Variants in EML1 observed in about 807,000 individuals in gnomAD.
The protein encoded by EML1 is EMAP like 1.
EML1 carries 27 observed loss-of-function variants against 110.4 expected under a neutral mutation model. The observed-to-expected ratio is 0.24, with a 90% CI of 0.18 to 0.34. The LOEUF (loss-of-function observed/expected upper bound fraction) is 0.34, where lower values mean the gene tolerates loss of function less well. Ranked by LOEUF, EML1 falls within the 10% of genes least tolerant of loss-of-function variation. EML1 has a pLI of 1.00. For synonymous variants in EML1, 344 were observed against 385.8 expected, an observed-to-expected ratio of 0.89 and a Z score of 1.27; for missense variants, 741 against 1,030.9, an observed-to-expected ratio of 0.72 and a Z score of 3.85.
chr14:99,764,184 C>T (rs949285525), intron 1 of EML1, among the ~76,000 whole-genome samples: 15 of 152,308 alleles, frequency 9.8e-5, no homozygotes, highest in African/African-American at 3.4e-4. Context: ...TCCATGAGGA[C>T]GTTGGGCTGG....
chr14:99,914,677 G>A lies in EML1; in HGVS notation c.1732G>A (p.Val578Ile), dbSNP rs376629514. 61 of 1,607,830 alleles carry A rather than the reference G, an allele frequency of 3.8e-5. 1 individual carries two copies. Among genetic ancestry groups the A allele is most frequent in the South Asian group, 1.1e-4 (10 of 89,220 alleles). Residue 578 changes from valine to isoleucine, a missense_variant, in exon 15 of 22, where the codon GTC becomes ATC. Transcript: ENST00000262233. ...CTGGGACGCTGTGGGTCACCGTCCCGTCTGGGACAAAATAATAGAGGTAAA... is the reference window on the plus strand; with the variant it reads ...CTGGGACGCTGTGGGTCACCGTCCCATCTGGGACAAAATAATAGAGGTAAA... ...TLWDAVGHRP[V>I]WDKIIEDPAQ...
chr14:99,823,042 C>T (rs573837523), intron 1 of EML1, among the ~76,000 whole-genome samples: 8 of 152,080 alleles, frequency 5.3e-5, no homozygotes, highest in Admixed American at 3.9e-4. Context: ...GCCTAAGCGC[C>T]GGGCCCTACA....
At chr14:99,913,394 C>T (rs2059978513) in intron 13 of EML1, among the ~76,000 whole-genome samples, 1 of 151,822 alleles carries the variant, frequency 6.6e-6, no homozygotes, top group African/African-American at 2.4e-5. Flanking sequence ...CCAGGCTGGT[C>T]TAGAACTCCT....
intron 1 of EML1, among the ~76,000 whole-genome samples, chr14:99,797,490 G>A (rs986852800): frequency 6.6e-6 from 1 of 152,158 alleles, no homozygotes; most frequent in Non-Finnish European, 1.5e-5. Context: ...AGGTCATATG[G>A]TAACTCTGGG....
chr14:99,923,586 C>CA (rs2060169064), intron 17 of EML1, among the ~76,000 whole-genome samples: 2 of 152,218 alleles, frequency 1.3e-5, no homozygotes, highest in African/African-American at 4.8e-5. Context: ...ACACTTTTGT[C>CA]AAAAATCAAT....
At chr14:99,782,541 C>T (rs559570251) in intron 1 of EML1, among the ~76,000 whole-genome samples, 1 of 152,254 alleles carries the variant, frequency 6.6e-6, no homozygotes, top group East Asian at 1.9e-4. Flanking sequence ...TGTGTGAGCC[C>T]AGGGTCAGTT....
chr14:99,776,576 A>G (rs1466593229), intron 1 of EML1, among the ~76,000 whole-genome samples: 1 of 152,180 alleles, frequency 6.6e-6, no homozygotes, highest in Non-Finnish European at 1.5e-5. Context: ...ACATTTTACT[A>G]TCAGGTTTAT....
chr14:99,825,638 C>T lies in EML1; in HGVS notation c.68-25215C>T, dbSNP rs145297930. Among the ~76,000 whole-genome samples the T allele has an allele frequency of 1.4e-3, 209 of 152,250 alleles. 4 individuals are homozygous for T. The highest frequency in any genetic ancestry group is 7.9e-3 in the South Asian group (38 of 4,820). The stretch of plus-strand genomic sequence containing the variant: ...ATGTTTCTGTGTTTTTCCTGTCAGC[C>T]TCTGAACTCCTGAAGGGCTAGGAAC... On this transcript the variant is annotated intron_variant, in intron 1 of 21. Coordinates refer to ENST00000262233, the MANE Select transcript of EML1 (RefSeq NM_004434.3).
chr14:99,919,373 A>T (rs1289219478), intron 16 of EML1, among the ~76,000 whole-genome samples: 1 of 151,244 alleles, frequency 6.6e-6, no homozygotes, highest in African/African-American at 2.4e-5. Context: ...AGCCAACAGA[A>T]TTCTTCATGA....
intron 1 of EML1, among the ~76,000 whole-genome samples, chr14:99,813,859 T>TCAGAAA (rs2058122142): frequency 6.6e-6 from 1 of 152,194 alleles, no homozygotes; most frequent in Non-Finnish European, 1.5e-5. Flanking sequence ...ATATTTATTT[T>TCAGAAA]TATGCTCCAG....
chr14:99,916,266 A>G (rs1334143939), intron 15 of EML1, among the ~76,000 whole-genome samples: 1 of 152,242 alleles, frequency 6.6e-6, no homozygotes, highest in African/African-American at 2.4e-5. Flanking sequence ...CGAGGCTTAG[A>G]TGAATGACAC....
chr14:99,743,044 A>C (rs527536910), intron 1 of EML1, among the ~76,000 whole-genome samples: 11 of 152,260 alleles, frequency 7.2e-5, no homozygotes, highest in South Asian at 4.2e-4. Context: ...AGGAATCCGC[A>C]GTTGGGAAGT....
chr14:99,802,734 G>A (rs186995004), intron 1 of EML1, among the ~76,000 whole-genome samples: 16 of 152,148 alleles, frequency 1.1e-4, no homozygotes, highest in Non-Finnish European at 2.1e-4. Context: ...GCAGGCTGTC[G>A]GTGAAGGTCT....
intron 1 of EML1, among the ~76,000 whole-genome samples, chr14:99,821,294 ACCACGCCCAG>A (rs1306412165): frequency 6.6e-6 from 1 of 152,126 alleles, no homozygotes; most frequent in East Asian, 1.9e-4. Flanking sequence ...GGCTTGAGGC[ACCACGCCCAG>A]CCTCTTACTT....
At chr14:99,858,374 G>A (rs1270908696) in intron 2 of EML1, among the ~76,000 whole-genome samples, 1 of 151,928 alleles carries the variant, frequency 6.6e-6, no homozygotes, top group Non-Finnish European at 1.5e-5. Context: ...TAGTAGAGAC[G>A]GGTTTTCTCC....
In EML1 at chr14:99,878,521, T is replaced by C. The variant is rs766560700; in HGVS notation, c.420T>C (p.Ser140=). The change falls in exon 4 of 22, where the codon TCT becomes TCC. Residue 140 remains serine, a synonymous_variant. Coordinates refer to ENST00000262233, the MANE Select transcript of EML1 (RefSeq NM_004434.3). ...IKRTSSSERV[S]PGGRRESNGD... The stretch of plus-strand genomic sequence containing the variant: ...GGACCAGCTCTTCTGAACGAGTGTC[T>C]CCTGGGGGTCGAAGGGAAAGCAATG... 1.2e-6 allele frequency: 2 copies of C among 1,614,078 alleles called. No homozygotes were observed.
chr14:99,875,001 A>C, intron 3 of EML1: 1 of 1,612,666 alleles, frequency 6.2e-7, no homozygotes, highest in Non-Finnish European at 8.5e-7. Flanking sequence ...AGGGGAACTT[A>C]GATTTACTTT....
At chr14:99,853,964 T>C (rs545465790) in intron 2 of EML1, among the ~76,000 whole-genome samples, 191 of 152,298 alleles carry the variant, frequency 1.3e-3, no homozygotes, top group African/African-American at 4.3e-3. Flanking sequence ...AGCCACCGCA[T>C]CTGACCTGCA....
At position 99,938,482 on chromosome 14, in the gene EML1, C is replaced by T. The variant is rs1043702270; in HGVS notation, c.2191+570C>T. Among the ~76,000 whole-genome samples, 6 of 152,338 alleles carry T rather than the reference C, an allele frequency of 3.9e-5. No homozygotes were observed. The East Asian group carries it at 1.2e-3, about 29-fold the overall frequency. ...CACTCCAGAGCTCCCAGTCGAAAAC[C>T]CAACGTGCATCCAGCCCTCTCCTAG... On this transcript the variant is annotated intron_variant, in intron 20 of 21. Transcript: ENST00000262233.
Sources: gnomAD v4.1 joint callset for allele counts (sites outside exome capture counted in the v4.1 genomes callset) on GRCh38, gnomAD v4.1.1 for gene constraint, MANE v1.5 for transcripts, NCBI Gene and HGNC (gene_info 2026-07-23, HGNC 2026-07-21) for gene names.